The following ITGA1 variants were observed in gnomAD, a reference collection of about 807,000 sequenced individuals.
ITGA1 encodes integrin alpha-1.
ITGA1 carries 85 observed loss-of-function variants against 145.9 expected under a neutral mutation model. The observed-to-expected ratio is 0.58, with a 90% CI of 0.49 to 0.70. The LOEUF (loss-of-function observed/expected upper bound fraction) is 0.70, where lower values mean the gene tolerates loss of function less well. ITGA1 is among the 30% of genes least tolerant of loss of function. The pLI, the probability that ITGA1 is intolerant of heterozygous loss-of-function variation, is 0.00. For missense variants in ITGA1, 1,351 were observed against 1,418.7 expected (o/e 0.95, Z 0.77); for synonymous variants, 520 against 495.3 (o/e 1.05, Z -0.66).
intron 8 of ITGA1, 83 bp from the exon 9 acceptor site, chr5:52,893,592 T>G: frequency 7.8e-7 from 1 of 1,287,678 alleles, no homozygotes; most frequent in Non-Finnish European, 1.1e-6. Context: ...CTCTACACTG[T>G]TGTTTACTGA....
chr5:52,932,158 A>C, intron 22 of ITGA1, 22 bp downstream of exon 22: 1 of 1,396,684 alleles, frequency 7.2e-7, no homozygotes, highest in Non-Finnish European at 1.0e-6. Flanking sequence ...CTACATTTTT[A>C]TGTGGATGCC....
chr5:52,796,762 G>A (rs1267702315), intron 1 of ITGA1, among the ~76,000 whole-genome samples: 1 of 151,980 alleles, frequency 6.6e-6, no homozygotes, highest in Non-Finnish European at 1.5e-5. Context: ...TCCTTCCAGA[G>A]TTCAACAAAA....
intron 1 of ITGA1, among the ~76,000 whole-genome samples, chr5:52,818,924 A>C (rs1398894303): frequency 2.6e-5 from 4 of 152,182 alleles, no homozygotes; most frequent in Non-Finnish European, 5.9e-5. Context: ...CAGTGACTTC[A>C]TACCACAATG....
At chr5:52,891,625 T>G (rs1171039294) in intron 8 of ITGA1, among the ~76,000 whole-genome samples, 1 of 150,698 alleles carries the variant, frequency 6.6e-6, no homozygotes, top group Non-Finnish European at 1.5e-5. Flanking sequence ...TAAAAACTAA[T>G]TTTTTTATTT....
At chr5:52,883,492 C>A (rs1376387303) in intron 7 of ITGA1, among the ~76,000 whole-genome samples, 1 of 152,132 alleles carries the variant, frequency 6.6e-6, no homozygotes, top group African/African-American at 2.4e-5. Context: ...AAGTATTTTT[C>A]TCCTACATTA....
chr5:52,792,656 C>T (rs1748264689), intron 1 of ITGA1, among the ~76,000 whole-genome samples: 1 of 152,100 alleles, frequency 6.6e-6, no homozygotes, highest in Non-Finnish European at 1.5e-5. Flanking sequence ...GCTGAATTTC[C>T]ACATCTTAAC....
chr5:52,920,186 A>T (rs1750709817), intron 16 of ITGA1, 146 bp from the exon 17 acceptor site: 1 of 591,250 alleles, frequency 1.7e-6, no homozygotes, highest in Non-Finnish European at 2.8e-6. Context: ...TATCATTGTT[A>T]TAACAGTGTG....
At chr5:52,865,221 T>A (rs1749668741) in intron 5 of ITGA1, 139 bp downstream of exon 5, 1 of 619,120 alleles carries the variant, frequency 1.6e-6, no homozygotes, top group Non-Finnish European at 2.7e-6. Flanking sequence ...AATGTTTGCT[T>A]TGCCAGTATA....
chr5:52,795,923 G>T (rs1748332931), intron 1 of ITGA1, among the ~76,000 whole-genome samples: 1 of 151,856 alleles, frequency 6.6e-6, no homozygotes, highest in Non-Finnish European at 1.5e-5. Flanking sequence ...CCATATTTGA[G>T]GTCTGCCAAT....
intron 1 of ITGA1, among the ~76,000 whole-genome samples, chr5:52,815,515 G>C (rs1748752529): frequency 6.6e-6 from 1 of 152,144 alleles, no homozygotes; most frequent in African/African-American, 2.4e-5. Context: ...AGAGATCTTT[G>C]CCTGGGTAGA....
At position 52,819,265 on chromosome 5, in the gene ITGA1, A is replaced by G. The variant is rs375071747; in HGVS notation, c.62-30100A>G. ...TGAACTAGTTTACAGTCCCACCAAC[A>G]GTGTAAAAGTGTTCCTATTTCTCCA... On this transcript the variant is annotated intron_variant, in intron 1 of 28. Coordinates refer to ENST00000282588, the MANE Select transcript of ITGA1 (RefSeq NM_181501.2). Among the ~76,000 whole-genome samples, 1,020 of 152,334 alleles carry G rather than the reference A, an allele frequency of 6.7e-3. 12 individuals carry two copies. The highest frequency in any genetic ancestry group is 0.023 in the African/African-American group (970 of 41,584).
chr5:52,860,113 T>A (rs994397291), intron 2 of ITGA1, among the ~76,000 whole-genome samples: 3 of 152,260 alleles, frequency 2.0e-5, no homozygotes, highest in African/African-American at 7.2e-5. Context: ...TTATGTTTAT[T>A]GTTCCAGAAT....
chr5:52,941,594 A>G (rs758197474), intron 26 of ITGA1, among the ~76,000 whole-genome samples: 37 of 152,080 alleles, frequency 2.4e-4, no homozygotes, highest in Non-Finnish European at 4.0e-4. Flanking sequence ...GAGTCTATTC[A>G]TGTCCTTCGC....
chr5:52,894,080 C>G lies in ITGA1; in HGVS notation c.1090+240C>G, dbSNP rs561921072. Among the ~76,000 whole-genome samples the G allele has an allele frequency of 1.1e-4, 16 of 152,200 alleles. No individual in the cohort carries two copies. In the South Asian group the frequency reaches 3.1e-3, roughly 30 times the overall value. On this transcript the variant is annotated intron_variant, in intron 9 of 28. Coordinates refer to ENST00000282588, the MANE Select transcript of ITGA1 (RefSeq NM_181501.2). ...GCATGGTAGGGCAGTGCTGATGGGA[C>G]AGCCGATGAAGACAATGGTCAATGT...
At chr5:52,911,116 T>C (rs1334853720) in intron 14 of ITGA1, among the ~76,000 whole-genome samples, 19 of 136,344 alleles carry the variant, frequency 1.4e-4, no homozygotes, top group Non-Finnish European at 2.4e-4. Context: ...ATATAGTATA[T>C]AGTGTATATA....
At chr5:52,943,321 T>C (rs1240609090) in intron 26 of ITGA1, among the ~76,000 whole-genome samples, 1 of 152,174 alleles carries the variant, frequency 6.6e-6, no homozygotes, top group Non-Finnish European at 1.5e-5. Context: ...TCAACTGTGG[T>C]GTAAGTTGAG....
intron 1 of ITGA1, among the ~76,000 whole-genome samples, chr5:52,789,823 G>C (rs1312812710): frequency 6.6e-6 from 1 of 152,166 alleles, no homozygotes; most frequent in East Asian, 1.9e-4. Context: ...GCAGTCTCTA[G>C]AGTAGAAATG....
At chr5:52,890,467 C>T (rs554297785) in intron 8 of ITGA1, among the ~76,000 whole-genome samples, 14 of 152,092 alleles carry the variant, frequency 9.2e-5, no homozygotes, top group Non-Finnish European at 1.9e-4. Context: ...AAAGTGTGCA[C>T]GAAGTGAACA....
chr5:52,919,940 C>T (rs1750706851), intron 16 of ITGA1, among the ~76,000 whole-genome samples: 2 of 151,910 alleles, frequency 1.3e-5, no homozygotes, highest in Non-Finnish European at 2.9e-5. Flanking sequence ...ATTTTTGTCC[C>T]TATTGAAATA....
Sources: gnomAD v4.1 joint callset for allele counts (sites outside exome capture counted in the v4.1 genomes callset) on GRCh38, gnomAD v4.1.1 for gene constraint, MANE v1.5 for transcripts, NCBI Gene and HGNC (gene_info 2026-07-23, HGNC 2026-07-21) for gene names.